The following URB1 variants were observed in gnomAD, a reference collection of about 807,000 sequenced individuals.
URB1 encodes nucleolar pre-ribosomal-associated protein 1.
Under a neutral mutation model 242.3 loss-of-function variants are expected in URB1, and 197 were observed. That is an observed-to-expected ratio of 0.81 (90% CI 0.72 to 0.91). The LOEUF (loss-of-function observed/expected upper bound fraction) is 0.91, where lower values mean the gene tolerates loss of function less well. URB1 is among the 40% of genes least tolerant of loss of function. URB1 has a pLI of 0.00. For missense variants in URB1, 2,721 were observed against 2,860.5 expected (o/e 0.95, Z 1.11); for synonymous variants, 1,153 against 1,201.8 (o/e 0.96, Z 0.84).
chr21:32,347,869 G>C (rs1275199581), intron 21 of URB1, 58 bp from the exon 22 acceptor site: 1 of 1,469,456 alleles, frequency 6.8e-7, no homozygotes, highest in Non-Finnish European at 9.0e-7. Flanking sequence ...AGACAGGGGC[G>C]GCAGCTGCCA....
At position 32,339,031 on chromosome 21, in the gene URB1, A is replaced by G. The variant is rs915601061; in HGVS notation, c.4317-131T>C. ...TTTGAGATGGAGTCTCATTCATTCT[A>G]TTGCCCAGGCTGGAGTACAGTGGTG... On this transcript the variant is annotated intron_variant, in intron 25 of 38. Transcript: ENST00000382751. 3.6e-5 allele frequency: 37 copies of G among 1,017,448 alleles called. No individual in the cohort carries two copies. The African/African-American group carries it at 4.5e-4, about 12-fold the overall frequency. 63.0% of individuals were successfully genotyped at this position (1,017,448 alleles called of 1,614,324 possible). A position where few individuals can be genotyped will look rare whatever the true frequency, so the allele number is the denominator to read the frequency against.
intron 9 of URB1, 76 bp downstream of exon 9, chr21:32,368,327 C>T (rs1237348829): frequency 7.3e-7 from 1 of 1,370,526 alleles, no homozygotes. Flanking sequence ...CTCGGCCTCC[C>T]GAAGTGCTGG....
chr21:32,355,345 G>A (rs567908223), intron 16 of URB1, 104 bp downstream of exon 16: 21 of 1,009,762 alleles, frequency 2.1e-5, no homozygotes, highest in Non-Finnish European at 2.8e-5. Context: ...AAGCCAGGAC[G>A]AGAAGCCTTT....
At chr21:32,384,798 G>A (rs925691653) in intron 2 of URB1, among the ~76,000 whole-genome samples, 2 of 152,100 alleles carry the variant, frequency 1.3e-5, no homozygotes, top group East Asian at 1.9e-4. Context: ...TAGCTAACAC[G>A]GTGAAACCCC....
In URB1 at chr21:32,349,364, G is replaced by A. The variant is rs760940700; in HGVS notation, c.2952C>T (p.Ala984=). The A allele has an allele frequency of 1.7e-5, 26 of 1,551,322 alleles. 1 individual carries two copies. The South Asian group carries it at 2.0e-4, about 12-fold the overall frequency. The part of the protein sequence containing the change: ...QNQQRCEAAR[A]EADLFLDMES... ...CCATGTCCAGGAAGAGGTCGGCTTC[G>A]GCCCGGGCGGCCTCGCATCTCTGCT... Residue 984 remains alanine (A), a synonymous_variant, in exon 21 of 39, where the codon GCC becomes GCT. Coordinates refer to ENST00000382751, the MANE Select transcript of URB1 (RefSeq NM_014825.3).
chr21:32,354,841 G>A lies in URB1; in HGVS notation c.2245+18C>T, dbSNP rs1227164128. 3 of 1,551,430 alleles carry A rather than the reference G, an allele frequency of 1.9e-6. No individual in the cohort carries two copies. Among genetic ancestry groups the A allele is most frequent in the Admixed American group, 3.9e-5 (2 of 50,940 alleles). ...GGTCTTCAGACCTCTGAGCAGCGCA[G>A]AACAGAATGGAACATACCGTCAATG... On this transcript the variant is annotated intron_variant, in intron 17 of 38. Coordinates refer to ENST00000382751, the MANE Select transcript of URB1 (RefSeq NM_014825.3).
rs1003228917 is a variant in URB1 at position 32,316,533 on chromosome 21, G to A, written c.6567C>T (p.Ser2189=). ...QLVAAQGRAG[S]PFHPAMEALS... is the part of the protein sequence containing the mutation. ...GGGCTTCCATGGCCGGGTGGAAGGG[G>A]CTCCCTGCCCGGCCCTGGGCAGCCA... The change falls in exon 38 of 39, where the codon AGC becomes AGT. Residue 2189 remains serine, a synonymous_variant. Coordinates refer to ENST00000382751, the MANE Select transcript of URB1 (RefSeq NM_014825.3). 24 of 1,550,260 alleles carry A rather than the reference G, an allele frequency of 1.5e-5. No homozygotes were observed. Among genetic ancestry groups the A allele is most frequent in the African/African-American group, 6.8e-5 (5 of 73,020 alleles).
In URB1 at chr21:32,388,173, C is replaced by T. The variant is rs954853424; in HGVS notation, c.143-2489G>A. ...AGCCAGACTCCTGGGCACAAATCCC[C>T]GCTCAGTCACTTACTAGCTGCATGG... On this transcript the variant is annotated intron_variant, in intron 1 of 38. Coordinates refer to ENST00000382751, the MANE Select transcript of URB1 (RefSeq NM_014825.3). Among the ~76,000 whole-genome samples the T allele has an allele frequency of 3.3e-5, 5 of 152,176 alleles. No homozygotes were observed. In the East Asian group the frequency reaches 5.8e-4, roughly 18 times the overall value.
chr21:32,359,865 A>G lies in URB1; in HGVS notation c.1800T>C (p.Ile600=). The G allele has an allele frequency of 6.5e-7, 1 of 1,548,426 alleles. No individual in the cohort carries two copies. Among genetic ancestry groups the G allele is most frequent in the Non-Finnish European group, 8.7e-7 (1 of 1,145,752 alleles). ...EQGLREEVPP[I]LQHHMLKVAL... ...CCACCTTCAGCATGTGGTGCTGCAG[A>G]ATGGGAGGCACCTCCTCTCGAAGGC... Residue 600 remains isoleucine (I), a synonymous_variant, in exon 14 of 39, where the codon ATT becomes ATC. Coordinates refer to ENST00000382751, the MANE Select transcript of URB1 (RefSeq NM_014825.3).
intron 37 of URB1, 100 bp downstream of exon 37, chr21:32,317,576 C>T: frequency 6.8e-7 from 1 of 1,476,380 alleles, no homozygotes; most frequent in Non-Finnish European, 9.0e-7. Flanking sequence ...GCCTCATTAG[C>T]TTTGGAAATG....
At chr21:32,368,643 A>C in intron 8 of URB1, 45 bp from the exon 9 acceptor site, 2 of 1,500,606 alleles carry the variant, frequency 1.3e-6, no homozygotes, top group Non-Finnish European at 1.8e-6. Flanking sequence ...GAAAATGGTC[A>C]AAGCACCCTG....
In URB1 at chr21:32,317,913, T is replaced by C. The variant is rs1279767948; in HGVS notation, c.5797A>G (p.Thr1933Ala). The C allele has an allele frequency of 6.4e-7, 1 of 1,551,386 alleles. No individual in the cohort carries two copies. The highest frequency in any genetic ancestry group is 8.7e-7 in the Non-Finnish European group (1 of 1,146,932). Residue 1933 changes from threonine (T) to alanine (A), a missense_variant, in exon 37 of 39, where the codon ACC (threonine) becomes GCC (alanine). Physicochemically the swap from Thr to Ala is moderately conservative, Grantham distance 58. Transcript: ENST00000382751. ...LIVLMKHLRP[T>A]LAPVQLTNFF... ...TTGGTCAGCTGGACGGGGGCCAAGG[T>C]GGGCCTGTTTGGGAGTCAATGTTAC...
Position 32,392,787 on chromosome 21 carries a change from G to C in URB1, c.124C>G (p.Pro42Ala). The C allele has an allele frequency of 3.4e-6, 5 of 1,491,972 alleles. No individual in the cohort carries two copies. Among genetic ancestry groups the C allele is most frequent in the Non-Finnish European group, 4.5e-6 (5 of 1,120,760 alleles). 92.4% of individuals were successfully genotyped at this position (1,491,972 alleles called of 1,614,324 possible). Residue 42 changes from proline to alanine, a missense_variant, in exon 1 of 39, where the codon CCG becomes GCG. Transcript: ENST00000382751. ...GACTCACCTGGCCCGGGGCCCTGCG[G>C]GTCCTTCAGCTGAGCCTTGAACCGC... ...GVRFKAQLKD[P>A]QGPGPGLEAF...
intron 13 of URB1, 47 bp from the exon 14 acceptor site, chr21:32,359,955 G>A (rs1204635808): frequency 1.3e-6 from 2 of 1,522,596 alleles, no homozygotes; most frequent in Middle Eastern, 1.7e-4. Flanking sequence ...ATGGACGTGG[G>A]TGCCCAACAA....
chr21:32,342,301 G>A (rs750894173), intron 24 of URB1, among the ~76,000 whole-genome samples: 14 of 152,166 alleles, frequency 9.2e-5, no homozygotes, highest in South Asian at 2.1e-4. Context: ...CTGTGGAACT[G>A]GATGATCAAT....
chr21:32,378,314 C>T, intron 5 of URB1, 131 bp downstream of exon 5: 1 of 775,820 alleles, frequency 1.3e-6, no homozygotes. Flanking sequence ...ACCTCCCTGC[C>T]CCACATCCTT....
At chr21:32,348,149 A>T (rs1016556381) in intron 21 of URB1, among the ~76,000 whole-genome samples, 1 of 152,154 alleles carries the variant, frequency 6.6e-6, no homozygotes, top group African/African-American at 2.4e-5. Context: ...AGCATGGGAA[A>T]AGTGCTCTCT....
chr21:32,317,951 G>T, intron 36 of URB1, 34 bp from the exon 37 acceptor site: 1 of 1,548,970 alleles, frequency 6.5e-7, no homozygotes, highest in South Asian at 1.2e-5. Context: ...ACTGAGCAAA[G>T]GCTGCTGCCC....
intron 30 of URB1, among the ~76,000 whole-genome samples, chr21:32,325,626 C>T (rs1423092547): frequency 6.6e-6 from 1 of 152,128 alleles, no homozygotes; most frequent in Non-Finnish European, 1.5e-5. Context: ...ACATCCCAAC[C>T]AGGATAATTT....
Sources: allele counts gnomAD v4.1 joint callset (sites outside exome capture counted in the v4.1 genomes callset), GRCh38; gene constraint gnomAD v4.1.1; transcripts MANE v1.5; gene names NCBI Gene and HGNC (gene_info 2026-07-23, HGNC 2026-07-21).